ERC1: variants seen among roughly 807,000 people sequenced by gnomAD.
The protein encoded by ERC1 is ELKS/RAB6-interacting/CAST family member 1.
ERC1 carries 56 observed loss-of-function variants against 132.0 expected under a neutral mutation model. That is an observed-to-expected ratio of 0.42 (90% CI 0.34 to 0.53). The LOEUF is 0.53. Ranked by LOEUF, ERC1 falls within the 20% of genes least tolerant of loss-of-function variation. The pLI is 0.03. For synonymous variants in ERC1, 478 were observed against 476.1 expected (o/e 1.00, Z -0.05); for missense variants, 1,202 against 1,349.9 (o/e 0.89, Z 1.72).
chr12:1,215,553 ATTTTC>A (rs1383235398), intron 12 of ERC1, among the ~76,000 whole-genome samples: 1 of 152,084 alleles, frequency 6.6e-6, no homozygotes, highest in Non-Finnish European at 1.5e-5. Context: ...TCTAGAAAAT[ATTTTC>A]TTTTATAATT....
intron 3 of ERC1, among the ~76,000 whole-genome samples, chr12:1,083,856 A>G (rs1942583166): frequency 6.6e-6 from 1 of 152,160 alleles, no homozygotes; most frequent in African/African-American, 2.4e-5. Context: ...GGGGTAAAAA[A>G]TTCCTTGATT....
chr12:1,388,004 C>T (rs1179288795), intron 16 of ERC1, among the ~76,000 whole-genome samples: 1 of 152,158 alleles, frequency 6.6e-6, no homozygotes, highest in South Asian at 2.1e-4. Flanking sequence ...ATTCTTAAGA[C>T]AGCCTCGGGG....
intron 16 of ERC1, among the ~76,000 whole-genome samples, chr12:1,372,376 G>A (rs535659298): frequency 6.6e-5 from 10 of 152,250 alleles, no homozygotes; most frequent in African/African-American, 2.4e-4. Flanking sequence ...GGTAAGCTCT[G>A]AAGATAAGAA....
intron 16 of ERC1, among the ~76,000 whole-genome samples, chr12:1,402,614 AACACACACAC>A (rs56777839): frequency 6.2e-5 from 9 of 144,990 alleles, no homozygotes; most frequent in African/African-American, 1.5e-4. Context: ...TGTAACCCCC[AACACACACAC>A]ACACACACAC....
At chr12:1,438,322 CT>C (rs1392320433) in intron 17 of ERC1, among the ~76,000 whole-genome samples, 6 of 152,186 alleles carry the variant, frequency 3.9e-5, no homozygotes, top group African/African-American at 1.4e-4. Flanking sequence ...TAGCTCTCCG[CT>C]GGGGCCTCTG....
At position 1,289,889 on chromosome 12, in the gene ERC1, A is replaced by C; in HGVS notation, c.2657A>C (p.Gln886Pro). The C allele has an allele frequency of 6.2e-7, 1 of 1,613,918 alleles. No homozygotes were observed. Among genetic ancestry groups the C allele is most frequent in the Non-Finnish European group, 8.5e-7 (1 of 1,179,810 alleles). ...CTGATGGCCATGGAGAAGGTAAAGC[A>C]GGAACTAGAATCCATGAAAGCAAAG... ...ELLMAMEKVK[Q>P]ELESMKAKLS... The change falls in exon 15 of 19, where the codon CAG becomes CCG. Residue 886 changes from glutamine to proline, a missense_variant. Gln to Pro is a moderately conservative substitution (Grantham distance 76, BLOSUM62 -1). Transcript: ENST00000360905.
chr12:1,481,404 G>T (rs1414284064), intron 18 of ERC1, among the ~76,000 whole-genome samples: 1 of 152,224 alleles, frequency 6.6e-6, no homozygotes, highest in Non-Finnish European at 1.5e-5. Context: ...ACTTCAGAAT[G>T]ACTAAAGCTT....
At chr12:1,191,330 C>T (rs1322736498) in intron 12 of ERC1, among the ~76,000 whole-genome samples, 1 of 152,170 alleles carries the variant, frequency 6.6e-6, no homozygotes, top group Non-Finnish European at 1.5e-5. Flanking sequence ...TATACCCCCT[C>T]ACCCATTACG....
chr12:1,047,688 C>T (rs1344226421), intron 2 of ERC1, among the ~76,000 whole-genome samples: 1 of 152,062 alleles, frequency 6.6e-6, no homozygotes, highest in Non-Finnish European at 1.5e-5. Flanking sequence ...AGTTTAGTGG[C>T]TACACTTTTT....
chr12:1,004,320 T>G (rs1963050302), intron 1 of ERC1, among the ~76,000 whole-genome samples: 1 of 152,060 alleles, frequency 6.6e-6, no homozygotes, highest in Non-Finnish European at 1.5e-5. Context: ...TCCCCCCCTT[T>G]CAACCCATTA....
At chr12:1,082,473 G>T (rs1327989849) in intron 2 of ERC1, among the ~76,000 whole-genome samples, 2 of 122,072 alleles carry the variant, frequency 1.6e-5, no homozygotes, top group East Asian at 2.4e-4. Context: ...ATTTTTTGAT[G>T]AAAAAAAAAA....
intron 18 of ERC1, among the ~76,000 whole-genome samples, chr12:1,449,315 A>G (rs1026989566): frequency 6.6e-6 from 1 of 152,164 alleles, no homozygotes; most frequent in African/African-American, 2.4e-5. Context: ...ATGTGAGGAC[A>G]TGAGATTTGG....
chr12:1,310,104 T>C (rs925267990), intron 15 of ERC1, among the ~76,000 whole-genome samples: 4 of 151,986 alleles, frequency 2.6e-5, no homozygotes, highest in Non-Finnish European at 5.9e-5. Context: ...CCCGCCACCA[T>C]GCCTGGCTAA....
upstream of ERC1, chr12:990,679 A>G (rs1959173081): frequency 6.6e-6 from 1 of 152,250 alleles, no homozygotes; most frequent in African/African-American, 2.4e-5. Flanking sequence ...CTAAGGGGCA[A>G]AAAACCAGCT....
At chr12:1,305,412 C>G (rs1488816389) in intron 15 of ERC1, among the ~76,000 whole-genome samples, 3 of 152,120 alleles carry the variant, frequency 2.0e-5, no homozygotes, top group Admixed American at 1.3e-4. Context: ...CTTTCTTTAA[C>G]TTTATGCAGA....
In ERC1 at chr12:1,240,788, C is replaced by G. The variant is rs376905204; in HGVS notation, c.2487+3884C>G. On this transcript the variant is annotated intron_variant, in intron 13 of 18. Transcript: ENST00000360905. ...ATAATATATATTTGTTTATATCCCT[C>G]TACATTTTCTTTTAAACTTTAATTT... 9.2e-5 allele frequency among the ~76,000 whole-genome samples: 14 copies of G among 151,988 alleles called. No homozygotes were observed. The East Asian group carries it at 1.7e-3, about 19-fold the overall frequency.
chr12:1,179,930 A>G (rs911784769), intron 8 of ERC1, among the ~76,000 whole-genome samples: 4 of 152,252 alleles, frequency 2.6e-5, no homozygotes, highest in African/African-American at 9.6e-5. Flanking sequence ...CTGCTTAGAT[A>G]AAAGATGATA....
intron 7 of ERC1, chr12:1,116,277 C>T (rs1946431359): frequency 2.8e-6 from 1 of 351,982 alleles, no homozygotes; most frequent in South Asian, 8.9e-5. Flanking sequence ...CAAGTCTGTA[C>T]TTCAAAGTAT....
chr12:1,462,811 T>TA (rs2093668513), intron 18 of ERC1, among the ~76,000 whole-genome samples: 2 of 152,354 alleles, frequency 1.3e-5, no homozygotes, highest in East Asian at 3.9e-4. Flanking sequence ...CATTTTGTTA[T>TA]ATGGCAACGT....
Sources: allele counts gnomAD v4.1 joint callset (sites outside exome capture counted in the v4.1 genomes callset), GRCh38; gene constraint gnomAD v4.1.1; transcripts MANE v1.5; gene names NCBI Gene and HGNC (gene_info 2026-07-23, HGNC 2026-07-21).